PDE2A: variants seen among roughly 807,000 people sequenced by gnomAD.
The protein encoded by PDE2A is cGMP-dependent 3',5'-cyclic phosphodiesterase.
Under a neutral mutation model 133.6 loss-of-function variants are expected in PDE2A, and 53 were observed. The ratio of observed to expected loss-of-function variants is 0.40; its 90% confidence interval spans 0.32 to 0.50. The LOEUF (loss-of-function observed/expected upper bound fraction) is 0.50. Among genes scored for constraint, PDE2A ranks in the 20% least tolerant of loss-of-function variants. The probability of loss-of-function intolerance (pLI) is 0.73; values close to 1 mark genes in which losing one functional copy is unlikely to be tolerated. For missense variants in PDE2A, 796 were observed against 1,232.4 expected (o/e 0.65, Z 5.30); for synonymous variants, 491 against 490.2 (o/e 1.00, Z -0.02).
At chr11:72,666,753 TAC>T (rs1369537016) in intron 1 of PDE2A, among the ~76,000 whole-genome samples, 1 of 152,182 alleles carries the variant, frequency 6.6e-6, no homozygotes, top group Non-Finnish European at 1.5e-5. Context: ...TACATACATG[TAC>T]ACACACACAA....
intron 4 of PDE2A, chr11:72,598,965 G>A: frequency 1.0e-5 from 10 of 985,402 alleles, no homozygotes; most frequent in Non-Finnish European, 1.2e-5. Flanking sequence ...GACGTAGGGT[G>A]GCAGGAGGGC....
chr11:72,636,033 T>A (rs774586572), intron 2 of PDE2A: 275 of 1,272,164 alleles, frequency 2.2e-4, no homozygotes, highest in Non-Finnish European at 2.8e-4. Context: ...CAGCCCCCAG[T>A]AGAGGCAACC....
chr11:72,586,933 C>T (rs539197351), intron 13 of PDE2A, among the ~76,000 whole-genome samples: 9 of 152,332 alleles, frequency 5.9e-5, no homozygotes, highest in African/African-American at 2.2e-4. Context: ...CCCATCCCCA[C>T]CATCCTGGGT....
chr11:72,578,488 G>T lies in PDE2A; in HGVS notation c.2496C>A (p.Ser832=). 6.2e-7 allele frequency: 1 copy of T among 1,613,466 alleles called. No homozygotes were observed. The highest frequency in any genetic ancestry group is 8.5e-7 in the Non-Finnish European group (1 of 1,179,432). The part of the protein sequence containing the change: ...IAELIYKEFF[S]QGDLEKAMGN... Reference sequence around the variant, plus strand: ...ACTCCACACATACCAGGTCTCCCTGGGAGAAGAATTCTTTGTAGATCAGCT... The same window carrying T: ...ACTCCACACATACCAGGTCTCCCTGTGAGAAGAATTCTTTGTAGATCAGCT... Residue 832 remains serine (S), a synonymous_variant, in exon 29 of 31, where the codon TCC becomes TCA. Transcript: ENST00000334456. This position sits in a 1 kb window ranked among gnomAD's most constrained non-coding sequence, Gnocchi z 4.2.
Position 72,577,386 on chromosome 11 carries a change from A to G in PDE2A, c.2824T>C (p.Ter942ArgextTer33). 6.2e-7 allele frequency: 1 copy of G among 1,611,540 alleles called. No individual in the cohort carries two copies. The highest frequency in any genetic ancestry group is 8.5e-7 in the Non-Finnish European group (1 of 1,178,410). ...CAGGGAAGTGTCCCTGGAGGGGATC[A>G]CTCAGCATCAAGGCTGCAGCAGCCA... Reference protein sequence around the residue: ...INGCCSLDAE* With the variant: ...INGCCSLDAER Residue 942 changes from the stop codon to arginine, a stop_lost, in exon 31 of 31, where the codon TGA (stop) becomes CGA (arginine). Coordinates refer to ENST00000334456, the MANE Select transcript of PDE2A (RefSeq NM_002599.5).
chr11:72,624,681 A>ACACAC (rs1282485924), intron 2 of PDE2A, among the ~76,000 whole-genome samples: 2 of 152,196 alleles, frequency 1.3e-5, no homozygotes, highest in African/African-American at 2.4e-5. Flanking sequence ...TTTCAGTGTC[A>ACACAC]CACACGTGGT....
chr11:72,592,253 T>C (rs2135311609), intron 6 of PDE2A, among the ~76,000 whole-genome samples: 1 of 152,276 alleles, frequency 6.6e-6, no homozygotes, highest in East Asian at 1.9e-4. Context: ...GTCACTAGCT[T>C]CCGGAGCTTA....
intron 7 of PDE2A, 168 bp downstream of exon 7, chr11:72,591,129 G>A: frequency 1.5e-6 from 1 of 651,918 alleles, no homozygotes. Flanking sequence ...TTTCAGGTGT[G>A]AAACTGAGGC....
At chr11:72,648,710 C>A (rs966876893) in intron 1 of PDE2A, among the ~76,000 whole-genome samples, 1 of 152,150 alleles carries the variant, frequency 6.6e-6, no homozygotes, top group Non-Finnish European at 1.5e-5. Context: ...CCCCAGCATA[C>A]CTTAGGCCTT....
At chr11:72,600,155 C>T (rs977208610) in intron 4 of PDE2A, among the ~76,000 whole-genome samples, 4 of 152,268 alleles carry the variant, frequency 2.6e-5, no homozygotes, top group Middle Eastern at 6.8e-3. Flanking sequence ...TGGGCTTGAG[C>T]CTGAGGGCAG....
intron 4 of PDE2A, among the ~76,000 whole-genome samples, chr11:72,600,589 A>C (rs1418270527): frequency 6.6e-6 from 1 of 152,138 alleles, no homozygotes; most frequent in Non-Finnish European, 1.5e-5. Flanking sequence ...GCCAAGGCTG[A>C]GTCTCCCCCA....
In PDE2A at chr11:72,642,288, G is replaced by A; in HGVS notation, c.110C>T (p.Pro37Leu). ...QQVFLKPDEPPPPPQPCADSL... is the reference protein window; with the variant it reads ...QQVFLKPDEPLPPPQPCADSL... The stretch of plus-strand genomic sequence containing the variant: ...GTCGGCGCATGGCTGCGGCGGCGGC[G>A]GCGGCTCGTCCGGCTTGAGGAAGAC... Residue 37 changes from proline to leucine, a missense_variant, in exon 2 of 31, where the codon CCG becomes CTG. Transcript: ENST00000334456. The A allele has an allele frequency of 6.6e-7, 1 of 1,522,550 alleles. No homozygotes were observed. The highest frequency in any genetic ancestry group is 8.8e-7 in the Non-Finnish European group (1 of 1,137,878). The allele number at this position is 1,522,550 out of a possible 1,614,324, so 94.3% of individuals were successfully genotyped here. A position where few individuals can be genotyped will look rare whatever the true frequency, so the allele number is the denominator to read the frequency against.
intron 2 of PDE2A, among the ~76,000 whole-genome samples, chr11:72,611,320 T>C (rs1241590616): frequency 6.6e-6 from 1 of 152,144 alleles, no homozygotes; most frequent in African/African-American, 2.4e-5. Flanking sequence ...CAGAGCCAGG[T>C]CCAGAACCCA....
chr11:72,579,455 C>T, intron 26 of PDE2A, 72 bp from the exon 27 acceptor site: 1 of 1,557,216 alleles, frequency 6.4e-7, no homozygotes. Flanking sequence ...CAGTGAGCCT[C>T]CACTCCTTGG....
intron 2 of PDE2A, 115 bp downstream of exon 2, chr11:72,642,139 A>T: frequency 1.5e-6 from 2 of 1,307,300 alleles, no homozygotes; most frequent in Non-Finnish European, 2.0e-6. Context: ...CAGGAGTAGA[A>T]TTCAGAACTA....
At chr11:72,584,024 G>A (rs375823258) in intron 19 of PDE2A, among the ~76,000 whole-genome samples, 177 bp downstream of exon 19, 1 of 152,218 alleles carries the variant, frequency 6.6e-6, no homozygotes, top group Non-Finnish European at 1.5e-5. Context: ...TTTTAGATGG[G>A]AAACTGAGCC....
chr11:72,635,648 G>C (rs779690276), intron 2 of PDE2A, among the ~76,000 whole-genome samples: 29 of 152,310 alleles, frequency 1.9e-4, no homozygotes, highest in Middle Eastern at 3.4e-3. Context: ...CCTAGAGCTA[G>C]AGCTCATATA....
intron 21 of PDE2A, chr11:72,582,162 T>C (rs1419348586): frequency 1.8e-5 from 11 of 610,028 alleles, no homozygotes; most frequent in Non-Finnish European, 3.2e-5. Flanking sequence ...CCACACAAAA[T>C]GTTAGAAAAA....
intron 2 of PDE2A, among the ~76,000 whole-genome samples, chr11:72,626,302 C>T (rs901849447): frequency 1.3e-4 from 20 of 152,200 alleles, no homozygotes; most frequent in South Asian, 4.1e-4. Context: ...CAGCTGAGAC[C>T]GCCTCCCTGG....
Sources: allele counts gnomAD v4.1 joint callset (sites outside exome capture counted in the v4.1 genomes callset), GRCh38; gene constraint gnomAD v4.1.1; non-coding constraint Gnocchi (gnomAD v3.1); transcripts MANE v1.5; gene names NCBI Gene and HGNC (gene_info 2026-07-23, HGNC 2026-07-21).